The following FBXL7 variants were observed in gnomAD, a reference collection of about 807,000 sequenced individuals.
The protein encoded by FBXL7 is F-box/LRR-repeat protein 7.
Under a neutral mutation model 38.3 loss-of-function variants are expected in FBXL7, and 12 were observed. That is an observed-to-expected ratio of 0.31 (90% CI 0.20 to 0.51). The LOEUF is 0.51. Among genes scored for constraint, FBXL7 ranks in the 20% least tolerant of loss-of-function variants. The pLI is 0.98. For missense variants in FBXL7, 567 were observed against 676.4 expected (o/e 0.84, Z 1.79); for synonymous variants, 297 against 300.9 (o/e 0.99, Z 0.13).
intron 2 of FBXL7, among the ~76,000 whole-genome samples, chr5:15,653,354 A>T: frequency 6.6e-6 from 1 of 152,186 alleles, no homozygotes; most frequent in East Asian, 1.9e-4. Flanking sequence ...CAGTAAAATG[A>T]AGTATTCTCT....
At chr5:15,535,332 C>A (rs1228960816) in intron 1 of FBXL7, among the ~76,000 whole-genome samples, 1 of 152,114 alleles carries the variant, frequency 6.6e-6, no homozygotes, top group Non-Finnish European at 1.5e-5. Flanking sequence ...GAGGTTGGAA[C>A]AGTTTGGAGG....
chr5:15,634,505 TGG>T (rs34688260), intron 2 of FBXL7, among the ~76,000 whole-genome samples: 2 of 143,906 alleles, frequency 1.4e-5, no homozygotes, highest in South Asian at 2.3e-4. Context: ...TATTTTTAGT[TGG>T]GGGGGGGGTT....
intron 2 of FBXL7, among the ~76,000 whole-genome samples, chr5:15,623,782 C>T (rs896449949): frequency 3.3e-5 from 5 of 152,156 alleles, no homozygotes; most frequent in Non-Finnish European, 5.9e-5. Flanking sequence ...TTATTTCAGG[C>T]TTTCGTGAGC....
chr5:15,551,609 T>C (rs941283858), intron 1 of FBXL7, among the ~76,000 whole-genome samples: 1 of 152,238 alleles, frequency 6.6e-6, no homozygotes, highest in Non-Finnish European at 1.5e-5. Context: ...GGATCTTTAT[T>C]CATTTATTTA....
intron 2 of FBXL7, among the ~76,000 whole-genome samples, chr5:15,870,269 G>T (rs1449967238): frequency 6.6e-6 from 1 of 152,080 alleles, no homozygotes; most frequent in Non-Finnish European, 1.5e-5. Context: ...GCATTCAGGG[G>T]TTGCATGGAG....
chr5:15,904,973 C>T (rs893144292), intron 2 of FBXL7, among the ~76,000 whole-genome samples: 1 of 152,072 alleles, frequency 6.6e-6, no homozygotes, highest in Admixed American at 6.6e-5. Flanking sequence ...GAGTTATAAG[C>T]CTTGAATTCG....
At chr5:15,570,142 C>T (rs531914169) in intron 1 of FBXL7, among the ~76,000 whole-genome samples, 6 of 151,838 alleles carry the variant, frequency 4.0e-5, no homozygotes, top group East Asian at 3.9e-4. Context: ...TTTCTATTGA[C>T]TGGAATAGTT....
rs145786255 is a variant in FBXL7, at chr5:15,771,558, G to C, written c.127+155486G>C. Among the ~76,000 whole-genome samples the C allele has an allele frequency of 2.4e-3, 358 of 152,186 alleles. 3 individuals carry two copies. The highest frequency in any genetic ancestry group is 8.3e-3 in the African/African-American group (343 of 41,526). On this transcript the variant is annotated intron_variant, in intron 2 of 3. Coordinates refer to ENST00000504595, the MANE Select transcript of FBXL7 (RefSeq NM_012304.5). The stretch of plus-strand genomic sequence containing the variant: ...GGAAAGGGAGAGATATCAGAATGTT[G>C]TAAATGGGATAACCTCTGGCTGGGA...
intron 1 of FBXL7, among the ~76,000 whole-genome samples, chr5:15,524,472 C>T (rs923310140): frequency 2.0e-5 from 3 of 152,170 alleles, no homozygotes; most frequent in Non-Finnish European, 2.9e-5. Flanking sequence ...TCTTTTGAAT[C>T]AAAATGGTAA....
At chr5:15,730,595 GTTAAA>G (rs776843090) in intron 2 of FBXL7, among the ~76,000 whole-genome samples, 24 of 152,250 alleles carry the variant, frequency 1.6e-4, no homozygotes, top group Non-Finnish European at 2.5e-4. Context: ...GACATTTTCT[GTTAAA>G]TTAAGAGAAA....
At chr5:15,591,323 G>T (rs1255780092) in intron 1 of FBXL7, among the ~76,000 whole-genome samples, 1 of 151,830 alleles carries the variant, frequency 6.6e-6, no homozygotes, top group Non-Finnish European at 1.5e-5. Flanking sequence ...CAGCTACTCG[G>T]GAGGCTGAGG....
intron 2 of FBXL7, among the ~76,000 whole-genome samples, chr5:15,720,386 A>G (rs1284660443): frequency 6.7e-6 from 1 of 148,532 alleles, no homozygotes; most frequent in Admixed American, 6.8e-5. Flanking sequence ...AGCTTTCATT[A>G]TATTTATCTT....
intron 3 of FBXL7, among the ~76,000 whole-genome samples, chr5:15,935,879 A>G (rs1176137493): frequency 6.6e-6 from 1 of 152,190 alleles, no homozygotes; most frequent in African/African-American, 2.4e-5. Context: ...TCTGAGAAGC[A>G]GCAACGTTAA....
At chr5:15,529,132 A>T (rs1737342293) in intron 1 of FBXL7, among the ~76,000 whole-genome samples, 1 of 152,102 alleles carries the variant, frequency 6.6e-6, no homozygotes, top group Non-Finnish European at 1.5e-5. Context: ...TGTGAGTTCA[A>T]ATTTTCTAGA....
chr5:15,631,989 CG>C (rs1323410573), intron 2 of FBXL7, among the ~76,000 whole-genome samples: 1 of 152,090 alleles, frequency 6.6e-6, no homozygotes, highest in Non-Finnish European at 1.5e-5. Flanking sequence ...CCTTTCAAAG[CG>C]TAACAACAGA....
chr5:15,890,942 G>A (rs1188670110), intron 2 of FBXL7, among the ~76,000 whole-genome samples: 1 of 136,386 alleles, frequency 7.3e-6, no homozygotes, highest in Non-Finnish European at 1.6e-5. Flanking sequence ...TATTTAAAAA[G>A]ATAATCTAGA....
intron 2 of FBXL7, among the ~76,000 whole-genome samples, chr5:15,689,986 C>T (rs1248904074): frequency 1.3e-5 from 2 of 152,308 alleles, no homozygotes; most frequent in East Asian, 3.9e-4. Flanking sequence ...CCAAGTATAA[C>T]AACCAAAAAT....
chr5:15,632,885 G>T (rs1380218928), intron 2 of FBXL7, among the ~76,000 whole-genome samples: 1 of 152,124 alleles, frequency 6.6e-6, no homozygotes, highest in African/African-American at 2.4e-5. Context: ...AGCAAGAGTT[G>T]AGAAACTTTG....
chr5:15,871,673 T>C (rs941747997), intron 2 of FBXL7, among the ~76,000 whole-genome samples: 1 of 152,044 alleles, frequency 6.6e-6, no homozygotes, highest in Non-Finnish European at 1.5e-5. Context: ...TATCAATAGC[T>C]GAATTGATCA....
Sources: gnomAD v4.1 joint callset for allele counts (sites outside exome capture counted in the v4.1 genomes callset) on GRCh38, gnomAD v4.1.1 for gene constraint, MANE v1.5 for transcripts, NCBI Gene and HGNC (gene_info 2026-07-23, HGNC 2026-07-21) for gene names.